The following UNC79 variants were observed in gnomAD, a reference collection of about 807,000 sequenced individuals.
The protein encoded by UNC79 is protein unc-79 homolog.
A neutral mutation model predicts 283.1 loss-of-function variants in UNC79; 37 were observed. That is an observed-to-expected ratio of 0.13 (90% CI 0.10 to 0.17). UNC79 has a LOEUF of 0.17. Ranked by LOEUF, UNC79 falls within the 10% of genes least tolerant of loss-of-function variation. The pLI, the probability that UNC79 is intolerant of heterozygous loss-of-function variation, is 1.00. For synonymous variants in UNC79, 1,107 were observed against 1,200.2 expected (o/e 0.92, Z 1.61); for missense variants, 2,272 against 3,211.1 (o/e 0.71, Z 7.07).
intron 8 of UNC79, among the ~76,000 whole-genome samples, chr14:93,526,631 A>G (rs2060562149): frequency 6.6e-6 from 1 of 152,220 alleles, no homozygotes; most frequent in South Asian, 2.1e-4. Flanking sequence ...ACACACAGAT[A>G]TGAACACATT....
intron 42 of UNC79, among the ~76,000 whole-genome samples, chr14:93,683,559 C>G (rs976931090): frequency 1.3e-5 from 2 of 152,136 alleles, no homozygotes; most frequent in African/African-American, 4.8e-5. Context: ...TCGCTGTTTC[C>G]TTTATCGTTT....
At chr14:93,599,901 A>G (rs963206974) in intron 24 of UNC79, among the ~76,000 whole-genome samples, 1 of 152,204 alleles carries the variant, frequency 6.6e-6, no homozygotes, top group Non-Finnish European at 1.5e-5. Context: ...TAATGACTAC[A>G]GGCATTAAAA....
intron 7 of UNC79, among the ~76,000 whole-genome samples, chr14:93,516,682 G>C (rs1269799201): frequency 1.3e-5 from 2 of 151,794 alleles, no homozygotes; most frequent in Middle Eastern, 3.2e-3. Context: ...CCTGACCTCA[G>C]GGTGATCTGC....
chr14:93,442,211 A>G (rs1370998984), intron 1 of UNC79, among the ~76,000 whole-genome samples: 1 of 152,086 alleles, frequency 6.6e-6, no homozygotes, highest in East Asian at 1.9e-4. Flanking sequence ...TGTCCTTTCA[A>G]TAAGTTCAAG....
intron 1 of UNC79, among the ~76,000 whole-genome samples, chr14:93,432,723 A>G (rs1286896863): frequency 2.0e-5 from 3 of 152,116 alleles, no homozygotes; most frequent in Admixed American, 2.0e-4. Context: ...TCCATGTAGA[A>G]CCTCCCACTT....
chr14:93,695,923 A>G (rs2075087061), intron 47 of UNC79, among the ~76,000 whole-genome samples: 2 of 150,814 alleles, frequency 1.3e-5, no homozygotes, highest in South Asian at 2.1e-4. Context: ...AAACAAAAAA[A>G]CAACCAAAAC....
At chr14:93,693,482 T>C (rs1469780184) in intron 46 of UNC79, among the ~76,000 whole-genome samples, 2 of 152,246 alleles carry the variant, frequency 1.3e-5, no homozygotes, top group Admixed American at 6.5e-5. Context: ...GAATTTGAAT[T>C]AAATTCATTC....
intron 14 of UNC79, among the ~76,000 whole-genome samples, chr14:93,549,144 C>T (rs2061748315): frequency 6.6e-6 from 1 of 152,172 alleles, no homozygotes; most frequent in South Asian, 2.1e-4. Flanking sequence ...TAGAAGTGAT[C>T]TAGATTTTCA....
intron 1 of UNC79, among the ~76,000 whole-genome samples, chr14:93,417,650 C>G (rs2055493232): frequency 6.6e-6 from 1 of 152,234 alleles, no homozygotes; most frequent in African/African-American, 2.4e-5. Flanking sequence ...CCGTCACTTT[C>G]AGGTACACCA....
intron 8 of UNC79, 143 bp from the exon 9 acceptor site, chr14:93,528,415 A>G: frequency 3.0e-6 from 2 of 668,562 alleles, no homozygotes; most frequent in Admixed American, 3.0e-5. Context: ...AGAAACATTT[A>G]TCGGTAAAAA....
At chr14:93,577,764 A>T (rs1364453529) in intron 17 of UNC79, 78 bp from the exon 18 acceptor site, 49 of 1,436,044 alleles carry the variant, frequency 3.4e-5, no homozygotes, top group Non-Finnish European at 4.5e-5. Flanking sequence ...AATACCTTCC[A>T]TAGAGTCCCC....
At chr14:93,634,961 A>G (rs2068382459) in intron 31 of UNC79, among the ~76,000 whole-genome samples, 1 of 152,186 alleles carries the variant, frequency 6.6e-6, no homozygotes, top group Non-Finnish European at 1.5e-5. Context: ...GCAGATTATC[A>G]GTATTCTCTG....
chr14:93,376,399 C>T (rs1057050929), intron 1 of UNC79, among the ~76,000 whole-genome samples: 5 of 151,898 alleles, frequency 3.3e-5, no homozygotes, highest in Admixed American at 1.3e-4. Context: ...TTTACTAATG[C>T]GTTCCAGGGT....
intron 47 of UNC79, among the ~76,000 whole-genome samples, chr14:93,695,249 A>G (rs753754753): frequency 6.6e-6 from 1 of 152,040 alleles, no homozygotes; most frequent in Non-Finnish European, 1.5e-5. Context: ...ATCACCACCC[A>G]CTAGTGGGCA....
chr14:93,442,250 T>C (rs1347313509), intron 1 of UNC79, among the ~76,000 whole-genome samples: 1 of 152,206 alleles, frequency 6.6e-6, no homozygotes, highest in East Asian at 1.9e-4. Context: ...GAAATACAGT[T>C]TCTGGAGATA....
intron 43 of UNC79, among the ~76,000 whole-genome samples, chr14:93,687,319 GA>G (rs2074321626): frequency 6.6e-6 from 1 of 152,306 alleles, no homozygotes; most frequent in South Asian, 2.1e-4. Context: ...TGAAATTGTT[GA>G]GATTATTGAG....
chr14:93,635,463 G>A (rs2068431632), intron 31 of UNC79, among the ~76,000 whole-genome samples: 1 of 152,160 alleles, frequency 6.6e-6, no homozygotes, highest in South Asian at 2.1e-4. Flanking sequence ...GACTCTTTTA[G>A]TATCGTGATT....
At chr14:93,647,494 A>G (rs192214314) in intron 35 of UNC79, among the ~76,000 whole-genome samples, 1 of 152,362 alleles carries the variant, frequency 6.6e-6, no homozygotes, top group East Asian at 1.9e-4. Context: ...TGATCCATGC[A>G]GTAATTTATA....
chr14:93,574,629 A>T (rs2063373476), intron 16 of UNC79, among the ~76,000 whole-genome samples: 1 of 152,230 alleles, frequency 6.6e-6, no homozygotes, highest in Non-Finnish European at 1.5e-5. Flanking sequence ...AAAATTAATG[A>T]CAGAGAAAGT....
Sources: allele counts gnomAD v4.1 joint callset (sites outside exome capture counted in the v4.1 genomes callset), GRCh38; gene constraint gnomAD v4.1.1; transcripts MANE v1.5; gene names NCBI Gene and HGNC (gene_info 2026-07-23, HGNC 2026-07-21).